The following ANO10 variants were observed in gnomAD, a reference collection of about 807,000 sequenced individuals.
The protein encoded by ANO10 is anoctamin-10.
Under a neutral mutation model 74.7 loss-of-function variants are expected in ANO10, and 77 were observed. That is an observed-to-expected ratio of 1.03 (90% CI 0.86 to 1.25). The LOEUF (loss-of-function observed/expected upper bound fraction) is 1.25, where lower values mean the gene tolerates loss of function less well. Among genes scored for constraint, ANO10 ranks in the 50% most tolerant of loss-of-function variants. The pLI, the probability that ANO10 is intolerant of heterozygous loss-of-function variation, is 0.00. For missense variants in ANO10, 721 were observed against 778.1 expected (o/e 0.93, Z 0.87); for synonymous variants, 279 against 284.9 (o/e 0.98, Z 0.21).
In ANO10 at chr3:43,482,481, C is replaced by G. The variant is rs1033483008; in HGVS notation, c.1798-49754G>C. Among the ~76,000 whole-genome samples the G allele has an allele frequency of 2.6e-5, 4 of 152,086 alleles. No individual in the cohort carries two copies. In the South Asian group the frequency reaches 8.3e-4, roughly 32 times the overall value. ...ATGCCACCTGCTCCCCAGTGTGACA[C>G]CTGCTATGTGAACTGTGAACAACTC... On this transcript the variant is annotated intron_variant, in intron 11 of 12. Transcript: ENST00000292246.
chr3:43,401,185 CT>C (rs1394787566), intron 12 of ANO10, among the ~76,000 whole-genome samples: 2 of 151,944 alleles, frequency 1.3e-5, no homozygotes, highest in African/African-American at 4.8e-5. Context: ...ATCTTTTTTC[CT>C]AAGTAAGACA....
At position 43,432,715 on chromosome 3, in the gene ANO10, C is replaced by A; in HGVS notation, c.1810G>T (p.Ala604Ser). 1.2e-6 allele frequency: 2 copies of A among 1,612,388 alleles called. No individual in the cohort carries two copies. Among genetic ancestry groups the A allele is most frequent in the Non-Finnish European group, 1.7e-6 (2 of 1,178,690 alleles). Reference sequence around the variant, plus strand: ...GCAAATGCAAGTATAAACTTTAAAGCCAGGAGTGCGTGCTGAAAACAAGAA... The same window carrying A: ...GCAAATGCAAGTATAAACTTTAAAGACAGGAGTGCGTGCTGAAAACAAGAA... ...IVVAVEHALL[A>S]LKFILAFAIP... The change falls in exon 12 of 13, where the codon GCT becomes TCT. Residue 604 changes from alanine to serine, a missense_variant. Coordinates refer to ENST00000292246, the MANE Select transcript of ANO10 (RefSeq NM_018075.5).
At chr3:43,688,193 AGGCACAGGCAT>A (rs776992423) in intron 1 of ANO10, among the ~76,000 whole-genome samples, 14 of 152,062 alleles carry the variant, frequency 9.2e-5, no homozygotes, top group Non-Finnish European at 2.1e-4. Context: ...ACTGTGCAGC[AGGCACAGGCAT>A]CTTTGAGAGC....
intron 11 of ANO10, among the ~76,000 whole-genome samples, chr3:43,536,995 CAAAAA>C (rs5848666): frequency 1.3e-5 from 1 of 78,618 alleles, no homozygotes; most frequent in Non-Finnish European, 2.4e-5. Flanking sequence ...TTTCATCACT[CAAAAA>C]AAAAAAAAAA....
intron 1 of ANO10, among the ~76,000 whole-genome samples, chr3:43,608,645 G>C (rs2082672020): frequency 6.6e-6 from 1 of 152,142 alleles, no homozygotes; most frequent in Non-Finnish European, 1.5e-5. Context: ...ACAGCGGTGT[G>C]ATCGTGGCTC....
At chr3:43,688,663 T>C (rs1048725776) in intron 1 of ANO10, among the ~76,000 whole-genome samples, 1 of 151,728 alleles carries the variant, frequency 6.6e-6, no homozygotes, top group African/African-American at 2.4e-5. Context: ...GCCAACATGG[T>C]GAAACCCCAT....
chr3:43,586,443 A>G (rs1559743444), intron 4 of ANO10, among the ~76,000 whole-genome samples: 1 of 152,118 alleles, frequency 6.6e-6, no homozygotes, highest in Non-Finnish European at 1.5e-5. Context: ...TCACTACCAC[A>G]GTTCCCTGCT....
In ANO10 at chr3:43,591,248, C is replaced by G. The variant is rs115315719; in HGVS notation, c.472+7284G>C. 7.6e-3 allele frequency among the ~76,000 whole-genome samples: 1,152 copies of G among 152,312 alleles called. 15 individuals are homozygous for G. Among genetic ancestry groups the G allele is most frequent in the African/African-American group, 0.025 (1,040 of 41,568 alleles). On this transcript the variant is annotated intron_variant, in intron 4 of 12. Coordinates refer to ENST00000292246, the MANE Select transcript of ANO10 (RefSeq NM_018075.5). ...ACCATTGACTTCCATCCCTCCAGAT[C>G]AGGCAGGGTGTCCGCTGCGCTTCTG... is the stretch of plus-strand genomic sequence containing the variant.
chr3:43,413,914 C>T (rs1326347598), intron 12 of ANO10, among the ~76,000 whole-genome samples: 9 of 151,822 alleles, frequency 5.9e-5, no homozygotes, highest in Non-Finnish European at 1.3e-4. Context: ...TCTCCCCCTG[C>T]CTCCCCACAA....
intron 11 of ANO10, among the ~76,000 whole-genome samples, chr3:43,450,701 G>C (rs1427883222): frequency 2.6e-5 from 4 of 152,138 alleles, no homozygotes; most frequent in Non-Finnish European, 4.4e-5. Flanking sequence ...TCCTGAATAT[G>C]ATATTCAAGT....
chr3:43,530,205 T>C (rs902846410), intron 11 of ANO10, among the ~76,000 whole-genome samples: 1 of 152,036 alleles, frequency 6.6e-6, no homozygotes, highest in Non-Finnish European at 1.5e-5. Context: ...AATGTAGCAG[T>C]TATAAATTCC....
chr3:43,547,753 C>A (rs2079264864), intron 11 of ANO10, among the ~76,000 whole-genome samples: 1 of 152,000 alleles, frequency 6.6e-6, no homozygotes, highest in Admixed American at 6.6e-5. Flanking sequence ...AGTAAGTCTC[C>A]CGAATTAAGT....
At position 43,643,678 on chromosome 3, in the gene ANO10, C is replaced by CTTTTTTTTTTTT. The variant is rs1310556861; in HGVS notation, c.-11-37816_-11-37815insAAAAAAAAAAAA. Among the ~76,000 whole-genome samples the CTTTTTTTTTTTT allele has an allele frequency of 3.7e-5, 5 of 133,622 alleles. 1 individual carries two copies. The highest frequency in any genetic ancestry group is 1.6e-4 in the African/African-American group (5 of 32,080). 87.7% of individuals were successfully genotyped at this position (133,622 alleles called of 152,430 possible). A position where few individuals can be genotyped will look rare whatever the true frequency, so the allele number is the denominator to read the frequency against. ...AAGCTTTTCATGTACTTGTCCTCATCTTTTCTTTTTTTTTTTTTTTTTTTA... is the reference window on the plus strand; with the variant it reads ...AAGCTTTTCATGTACTTGTCCTCATCTTTTTTTTTTTTTTTTCTTTTTTTTTTTTTTTTTTTA... On this transcript the variant is annotated intron_variant, in intron 1 of 3. Coordinates refer to the ANO10 transcript ENST00000413397.
intron 1 of ANO10, among the ~76,000 whole-genome samples, chr3:43,645,487 C>CAAAAA (rs780440860): frequency 1.5e-5 from 1 of 68,790 alleles, no homozygotes; most frequent in Non-Finnish European, 3.1e-5. Flanking sequence ...GACTCCGTCT[C>CAAAAA]AAAAAAAAAA....
At chr3:43,457,317 C>A (rs994480114) in intron 11 of ANO10, among the ~76,000 whole-genome samples, 3 of 152,166 alleles carry the variant, frequency 2.0e-5, no homozygotes, top group African/African-American at 7.2e-5. Flanking sequence ...GAAGAACTTC[C>A]CTGAGACTGG....
intron 5 of ANO10, among the ~76,000 whole-genome samples, chr3:43,577,849 T>A (rs1171473194): frequency 6.6e-6 from 1 of 152,196 alleles, no homozygotes; most frequent in Non-Finnish European, 1.5e-5. Flanking sequence ...AACACATTTA[T>A]CAACACTTTC....
chr3:43,414,511 GGCTACT>G (rs1163708413), intron 12 of ANO10, among the ~76,000 whole-genome samples: 2 of 152,110 alleles, frequency 1.3e-5, no homozygotes, highest in Admixed American at 6.5e-5. Flanking sequence ...TTTGAAGGAA[GGCTACT>G]GCTTGGTGAC....
At chr3:43,490,771 G>C (rs144850965) in intron 11 of ANO10, among the ~76,000 whole-genome samples, 3 of 152,222 alleles carry the variant, frequency 2.0e-5, no homozygotes. Flanking sequence ...TCAGGCATGA[G>C]GAGGGCAGAA....
At chr3:43,467,362 G>T (rs1203305624) in intron 11 of ANO10, among the ~76,000 whole-genome samples, 2 of 152,202 alleles carry the variant, frequency 1.3e-5, no homozygotes, top group African/African-American at 4.8e-5. Flanking sequence ...ATTAATGGGT[G>T]AATGGATAAG....
Sources: gnomAD v4.1 joint callset for allele counts (sites outside exome capture counted in the v4.1 genomes callset) on GRCh38, gnomAD v4.1.1 for gene constraint, MANE v1.5 for transcripts, NCBI Gene and HGNC (gene_info 2026-07-23, HGNC 2026-07-21) for gene names.